EPHA4: variants seen among roughly 807,000 people sequenced by gnomAD.
The protein encoded by EPHA4 is EPH receptor A4.
EPHA4 carries 19 observed loss-of-function variants against 108.3 expected under a neutral mutation model. The observed-to-expected ratio is 0.18, with a 90% CI of 0.12 to 0.26. The LOEUF is 0.26. Ranked by LOEUF, EPHA4 falls within the 10% of genes least tolerant of loss-of-function variation. The pLI, the probability that EPHA4 is intolerant of heterozygous loss-of-function variation, is 1.00. For synonymous variants in EPHA4, 449 were observed against 455.5 expected (o/e 0.99, Z 0.18); for missense variants, 917 against 1,254.0 (o/e 0.73, Z 4.06).
intron 3 of EPHA4, among the ~76,000 whole-genome samples, chr2:221,524,826 C>T (rs1204286224): frequency 2.6e-5 from 4 of 152,168 alleles, no homozygotes; most frequent in Admixed American, 6.5e-5. Context: ...GGCTACGGCA[C>T]GGCTACTGCT....
At position 221,469,642 on chromosome 2, in the gene EPHA4, T is replaced by C. The variant is rs568221733; in HGVS notation, c.1319-11652A>G. Among the ~76,000 whole-genome samples the C allele has an allele frequency of 5.3e-5, 8 of 152,256 alleles. No homozygotes were observed. The South Asian group carries it at 1.7e-3, about 32-fold the overall frequency. On this transcript the variant is annotated intron_variant, in intron 5 of 17. Transcript: ENST00000281821. ...CAGTGATGGTCCACTGTCTTCCAAG[T>C]TGAAAGAGTTGGGAGTCAATAAACG...
intron 3 of EPHA4, among the ~76,000 whole-genome samples, chr2:221,503,686 C>T (rs762232206): frequency 6.6e-6 from 1 of 152,170 alleles, no homozygotes; most frequent in Non-Finnish European, 1.5e-5. Flanking sequence ...TTTCCTTTTG[C>T]TTTTATAAAA....
At chr2:221,465,241 G>A (rs1232038641) in intron 5 of EPHA4, among the ~76,000 whole-genome samples, 1 of 152,246 alleles carries the variant, frequency 6.6e-6, no homozygotes, top group East Asian at 1.9e-4. Context: ...TGATTCCAGA[G>A]TAAGACTTTG....
At chr2:221,521,752 A>G (rs1185193686) in intron 3 of EPHA4, among the ~76,000 whole-genome samples, 3 of 152,210 alleles carry the variant, frequency 2.0e-5, no homozygotes, top group African/African-American at 7.2e-5. Context: ...AGGCAGGCAG[A>G]TCACCTAAGA....
intron 11 of EPHA4, among the ~76,000 whole-genome samples, chr2:221,440,409 A>G (rs1690382228): frequency 6.6e-6 from 1 of 152,136 alleles, no homozygotes; most frequent in Non-Finnish European, 1.5e-5. Context: ...CTTTTTAGAA[A>G]ACGGACCTGC....
At chr2:221,543,560 T>C (rs1470484929) in intron 3 of EPHA4, among the ~76,000 whole-genome samples, 2 of 152,196 alleles carry the variant, frequency 1.3e-5, no homozygotes, top group African/African-American at 4.8e-5. Context: ...ATAAGTTCGC[T>C]TCAACATGGC....
chr2:221,537,942 T>A (rs1240049559), intron 3 of EPHA4, among the ~76,000 whole-genome samples: 2 of 152,216 alleles, frequency 1.3e-5, no homozygotes, highest in East Asian at 3.8e-4. Flanking sequence ...CTTACAGTTA[T>A]CCAGACTATC....
chr2:221,520,899 G>A (rs1693147630), intron 3 of EPHA4, among the ~76,000 whole-genome samples: 1 of 152,208 alleles, frequency 6.6e-6, no homozygotes, highest in Middle Eastern at 3.4e-3. Flanking sequence ...AATGACAAAA[G>A]GCTACTACAC....
At chr2:221,473,496 C>G (rs1315060455) in intron 5 of EPHA4, among the ~76,000 whole-genome samples, 6 of 137,494 alleles carry the variant, frequency 4.4e-5, no homozygotes, top group African/African-American at 1.6e-4. Flanking sequence ...GATTTAAGAT[C>G]TCTTAATGCA....
intron 5 of EPHA4, among the ~76,000 whole-genome samples, chr2:221,464,223 T>C (rs900392558): frequency 6.6e-6 from 1 of 152,158 alleles, no homozygotes; most frequent in Non-Finnish European, 1.5e-5. Flanking sequence ...GATAGAAAAA[T>C]ATAAACCCAC....
At chr2:221,454,467 C>A (rs953501799) in intron 8 of EPHA4, among the ~76,000 whole-genome samples, 10 of 152,184 alleles carry the variant, frequency 6.6e-5, no homozygotes, top group African/African-American at 2.4e-4. Context: ...CAAACTTGGG[C>A]AAGAATTACT....
chr2:221,470,335 G>C (rs911464272), intron 5 of EPHA4, among the ~76,000 whole-genome samples: 4 of 149,574 alleles, frequency 2.7e-5, no homozygotes, highest in East Asian at 2.0e-4. Context: ...GAGAAAGGGC[G>C]GGGGGGAGAG....
chr2:221,551,099 T>C (rs1180974509), intron 3 of EPHA4, among the ~76,000 whole-genome samples: 1 of 152,072 alleles, frequency 6.6e-6, no homozygotes, highest in African/African-American at 2.4e-5. Flanking sequence ...AATGTTGTAA[T>C]ATAAAAGTTT....
rs1385196355 is a variant in EPHA4, at chr2:221,425,822, G to T, written c.*206C>A. The T allele has an allele frequency of 1.8e-6, 1 of 567,792 alleles. No homozygotes were observed. The highest frequency in any genetic ancestry group is 3.1e-6 in the Non-Finnish European group (1 of 319,892). The allele number at this position is 567,792 out of a possible 1,614,324, so 35.2% of individuals were successfully genotyped here. ...ACTTCTGAGAAACGATTTGTTCCAG[G>T]TCTCATTCAAATGACCGGCAGTCAT... is the stretch of plus-strand genomic sequence containing the variant. On this transcript the variant is annotated 3_prime_UTR_variant, in exon 17 of 18. Coordinates refer to ENST00000281821, the MANE Select transcript of EPHA4 (RefSeq NM_004438.5).
At chr2:221,442,004 C>A (rs1435897691) in intron 11 of EPHA4, among the ~76,000 whole-genome samples, 1 of 152,198 alleles carries the variant, frequency 6.6e-6, no homozygotes, top group South Asian at 2.1e-4. Flanking sequence ...ACTCTGCACA[C>A]GCTGACTGAA....
rs1446112267 is a variant in EPHA4 at position 221,418,696 on chromosome 2, T to G, written c.*2676A>C. Reference sequence around the variant, plus strand: ...ATACACAAGGTGAAGCTACTTGATTTGGTGCAGCGGGGTAGTTTCCCACTG... The same window carrying G: ...ATACACAAGGTGAAGCTACTTGATTGGGTGCAGCGGGGTAGTTTCCCACTG... On this transcript the variant is annotated 3_prime_UTR_variant, in exon 18 of 18. Coordinates refer to ENST00000281821, the MANE Select transcript of EPHA4 (RefSeq NM_004438.5). 6.6e-6 allele frequency: 1 copy of G among 152,378 alleles called. No individual in the cohort carries two copies. The highest frequency in any genetic ancestry group is 2.4e-5 in the African/African-American group (1 of 41,462). The allele number at this position is 152,378 out of a possible 1,614,324, so 9.4% of individuals were successfully genotyped here. A position where few individuals can be genotyped will look rare whatever the true frequency, so the allele number is the denominator to read the frequency against.
intron 3 of EPHA4, among the ~76,000 whole-genome samples, chr2:221,501,565 C>T (rs1230927323): frequency 1.3e-5 from 2 of 152,134 alleles, no homozygotes; most frequent in Non-Finnish European, 2.9e-5. Flanking sequence ...CAGCTTTGAG[C>T]AGTTAATTGA....
At chr2:221,519,545 ACTT>A (rs1693096126) in intron 3 of EPHA4, among the ~76,000 whole-genome samples, 2 of 152,336 alleles carry the variant, frequency 1.3e-5, no homozygotes, top group South Asian at 4.1e-4. Flanking sequence ...ATCCAACAGA[ACTT>A]CTTTTCCTCT....
At chr2:221,459,392 T>C (rs964916881) in intron 5 of EPHA4, among the ~76,000 whole-genome samples, 1 of 151,402 alleles carries the variant, frequency 6.6e-6, no homozygotes, top group East Asian at 1.9e-4. Flanking sequence ...AAAGATACAG[T>C]AGATACACAT....
Sources: allele counts gnomAD v4.1 joint callset (sites outside exome capture counted in the v4.1 genomes callset), GRCh38; gene constraint gnomAD v4.1.1; transcripts MANE v1.5; gene names NCBI Gene and HGNC (gene_info 2026-07-23, HGNC 2026-07-21).